Variants in ZYG11A observed in about 807,000 individuals in gnomAD.
ZYG11A encodes protein zyg-11 homolog A.
In ZYG11A, 62 loss-of-function variants were observed where a neutral mutation model predicts 77.2. The observed-to-expected ratio is 0.80, with a 90% CI of 0.65 to 0.99. The LOEUF (loss-of-function observed/expected upper bound fraction) is 0.99, where lower values mean the gene tolerates loss of function less well. ZYG11A is among the 50% of genes least tolerant of loss of function. The pLI is 0.00. For synonymous variants in ZYG11A, 315 were observed against 324.6 expected (o/e 0.97, Z 0.32); for missense variants, 828 against 896.8 (o/e 0.92, Z 0.98).
chr1:52,857,285 G>GA lies in ZYG11A; in HGVS notation c.544_545insA (p.Gly182GlufsTer9), dbSNP rs1645831157. 3.2e-6 allele frequency: 5 copies of GA among 1,551,932 alleles called. No individual in the cohort carries two copies. In the Admixed American group the frequency reaches 7.8e-5, roughly 24 times the overall value. ...ATTACTGTTCTTTAGTCAGCTCACT[G>GA]GTCTTCGCATTTTAAGTGTTTTTAA... On this transcript the variant is annotated frameshift_variant, in exon 3 of 14. Transcript: ENST00000371528. LOFTEE classifies it high-confidence loss of function.
intron 1 of ZYG11A, among the ~76,000 whole-genome samples, chr1:52,846,441 C>T (rs554714047): frequency 6.7e-6 from 1 of 149,806 alleles, no homozygotes; most frequent in African/African-American, 2.4e-5. Flanking sequence ...CAACCTCCGC[C>T]TCCCAGGTTC....
chr1:52,846,360 A>G (rs1166574391), intron 1 of ZYG11A, among the ~76,000 whole-genome samples: 2 of 95,492 alleles, frequency 2.1e-5, no homozygotes. Flanking sequence ...ATATATATAT[A>G]TATATATTTT....
At chr1:52,844,485 ATC>A (rs1645525157) in intron 1 of ZYG11A, among the ~76,000 whole-genome samples, 2 of 152,132 alleles carry the variant, frequency 1.3e-5, no homozygotes, top group African/African-American at 4.8e-5. Context: ...TTCTGGGTAT[ATC>A]TCATTTTCTT....
chr1:52,853,740 A>G (rs1645756763), intron 1 of ZYG11A, among the ~76,000 whole-genome samples: 1 of 152,046 alleles, frequency 6.6e-6, no homozygotes, highest in Admixed American at 6.6e-5. Context: ...GTGGGACTCT[A>G]TAATAAACCT....
intron 5 of ZYG11A, 89 bp downstream of exon 5, chr1:52,864,246 T>C (rs1027045630): frequency 1.5e-6 from 2 of 1,322,434 alleles, no homozygotes; most frequent in Admixed American, 2.5e-5. Context: ...CGTGGCACAA[T>C]TTGTTTTTGT....
Position 52,857,068 on chromosome 1 carries a change from A to G in ZYG11A, c.327A>G (p.Gln109=), listed in dbSNP as rs369863893. The change falls in exon 3 of 14, where the codon CAA becomes CAG. Residue 109 remains glutamine, a synonymous_variant. Coordinates refer to ENST00000371528, the MANE Select transcript of ZYG11A (RefSeq NM_001004339.3). ...TGAAACTGAAGCTGGTCAATATCCA[A>G]AAAGCTAAAATCTCTACAGCTGCAT... ...NQMKLKLVNI[Q]KAKISTAAFI... is the part of the protein sequence containing the mutation. The G allele has an allele frequency of 6.4e-7, 1 of 1,551,088 alleles. No homozygotes were observed. The highest frequency in any genetic ancestry group is 8.7e-7 in the Non-Finnish European group (1 of 1,146,606).
intron 2 of ZYG11A, among the ~76,000 whole-genome samples, chr1:52,856,455 C>CAAA (rs57138221): frequency 1.9e-5 from 2 of 104,100 alleles, no homozygotes; most frequent in East Asian, 3.4e-4. Context: ...GACTCCATCT[C>CAAA]AAAAAAAAAA....
At position 52,866,567 on chromosome 1, in the gene ZYG11A, G is replaced by T; in HGVS notation, c.1391G>T (p.Arg464Met). Residue 464 changes from arginine to methionine, a missense_variant and splice_region_variant, in exon 6 of 14, where the codon AGG becomes ATG. Transcript: ENST00000371528. ...ATTCTTGTGGATGTTCCATTTGACA[G>T]GCAAGTATAAGACTTGGTCATTTGA... The part of the protein sequence containing the change: ...SRILVDVPFD[R>M]FDAAKFVMRW... The T allele has an allele frequency of 6.5e-7, 1 of 1,535,592 alleles. No individual in the cohort carries two copies.
chr1:52,847,230 C>T (rs1645606515), intron 1 of ZYG11A, among the ~76,000 whole-genome samples: 1 of 152,146 alleles, frequency 6.6e-6, no homozygotes. Flanking sequence ...CCACACTCTG[C>T]TAATTTTTGT....
chr1:52,849,668 A>G (rs556754141), intron 1 of ZYG11A, among the ~76,000 whole-genome samples: 1 of 135,912 alleles, frequency 7.4e-6, no homozygotes, highest in African/African-American at 2.8e-5. Flanking sequence ...GTGCTGGCCT[A>G]GAGTTTCAAT....
intron 8 of ZYG11A, among the ~76,000 whole-genome samples, chr1:52,868,262 C>T (rs12034879): frequency 6.6e-6 from 1 of 151,842 alleles, no homozygotes; most frequent in East Asian, 1.9e-4. Context: ...CCATGCCTGG[C>T]CATACCTCCA....
chr1:52,884,204 T>A (rs1222621301), intron 11 of ZYG11A, among the ~76,000 whole-genome samples: 1 of 149,804 alleles, frequency 6.7e-6, no homozygotes, highest in African/African-American at 2.4e-5. Context: ...AAAAAAAAAT[T>A]AGCTGGGCGT....
chr1:52,890,357 C>T (rs1441325080), intron 13 of ZYG11A, among the ~76,000 whole-genome samples: 5 of 146,228 alleles, frequency 3.4e-5, no homozygotes, highest in Non-Finnish European at 4.5e-5. Flanking sequence ...GCCTCAGCCT[C>T]CTGGGTAGCT....
chr1:52,862,465 C>A (rs1279823110), intron 4 of ZYG11A, among the ~76,000 whole-genome samples: 2 of 151,656 alleles, frequency 1.3e-5, no homozygotes, highest in Non-Finnish European at 2.9e-5. Context: ...GCGCCCGTCA[C>A]CACGCCCAGC....
chr1:52,862,350 C>T (rs1171818590), intron 4 of ZYG11A, among the ~76,000 whole-genome samples: 4 of 141,932 alleles, frequency 2.8e-5, no homozygotes, highest in Non-Finnish European at 4.5e-5. Flanking sequence ...CTCGCTCTGT[C>T]GCCTAGGCTG....
At chr1:52,874,243 A>C (rs867859094) in intron 8 of ZYG11A, among the ~76,000 whole-genome samples, 2,910 of 151,690 alleles carry the variant, frequency 0.019, 87 homozygotes, top group African/African-American at 0.066. Context: ...CTCTCTCTAT[A>C]TATATATACA....
chr1:52,846,344 A>T lies in ZYG11A; in HGVS notation c.90+3371A>T, dbSNP rs1360880087. 4.8e-4 allele frequency among the ~76,000 whole-genome samples: 48 copies of T among 100,222 alleles called. 2 individuals are homozygous for T. Among genetic ancestry groups the T allele is most frequent in the African/African-American group, 1.0e-3 (19 of 18,294 alleles). 65.7% of individuals were successfully genotyped at this position (100,222 alleles called of 152,430 possible). A position where few individuals can be genotyped will look rare whatever the true frequency, so the allele number is the denominator to read the frequency against. On this transcript the variant is annotated intron_variant, in intron 1 of 13. Coordinates refer to ENST00000371528, the MANE Select transcript of ZYG11A (RefSeq NM_001004339.3). ...TATATATATATATATATATATATAT[A>T]TATATATATATATATATATATATTT... is the stretch of plus-strand genomic sequence containing the variant.
At chr1:52,880,826 C>T (rs1419602715) in intron 10 of ZYG11A, among the ~76,000 whole-genome samples, 1 of 152,104 alleles carries the variant, frequency 6.6e-6, no homozygotes, top group South Asian at 2.1e-4. Context: ...GGTGGAGCCT[C>T]CAGGTGAAAA....
intron 2 of ZYG11A, 37 bp from the exon 3 acceptor site, chr1:52,856,961 T>C: frequency 6.7e-7 from 1 of 1,488,110 alleles, no homozygotes; most frequent in East Asian, 2.5e-5. Flanking sequence ...ACATGAGATC[T>C]AGTTGTCATT....
Sources: gnomAD v4.1 joint callset for allele counts (sites outside exome capture counted in the v4.1 genomes callset) on GRCh38, gnomAD v4.1.1 for gene constraint, MANE v1.5 for transcripts, NCBI Gene and HGNC (gene_info 2026-07-23, HGNC 2026-07-21) for gene names.